Variants in NR3C1 observed in about 807,000 individuals in gnomAD.
NR3C1 encodes nuclear receptor subfamily 3 group C member 1, also known as glucocorticoid receptor.
In NR3C1, 14 loss-of-function variants were observed where a neutral mutation model predicts 74.0. The ratio of observed to expected loss-of-function variants is 0.19; its 90% CI spans 0.12 to 0.30. The LOEUF is 0.30. Ranked by LOEUF, NR3C1 falls within the 10% of genes least tolerant of loss-of-function variation. The pLI, the probability that NR3C1 is intolerant of heterozygous loss-of-function variation, is 1.00. For synonymous variants in NR3C1, 308 were observed against 332.5 expected, an observed-to-expected ratio of 0.93 and a Z score of 0.80; for missense variants, 695 against 909.8, an observed-to-expected ratio of 0.76 and a Z score of 3.04.
rs1813025824 is a variant in NR3C1 at position 143,281,144 on chromosome 5, A to G, written c.*745T>C. On this transcript the variant is annotated 3_prime_UTR_variant, in exon 9 of 9. Transcript: ENST00000394464. Reference sequence around the variant, plus strand: ...CTTTTTTTTTTTTTTTTTTGACAAGAATACTGGAGATTTGAGTCAATTTTT... The same window carrying G: ...CTTTTTTTTTTTTTTTTTTGACAAGGATACTGGAGATTTGAGTCAATTTTT... 6.9e-6 allele frequency: 1 copy of G among 144,504 alleles called. No homozygotes were observed. Among genetic ancestry groups the G allele is most frequent in the Non-Finnish European group, 1.5e-5 (1 of 65,844 alleles). 9.0% of individuals were successfully genotyped at this position (144,504 alleles called of 1,614,324 possible).
intron 7 of NR3C1, among the ~76,000 whole-genome samples, chr5:143,289,173 A>G (rs1369274243): frequency 1.3e-5 from 2 of 152,190 alleles, no homozygotes; most frequent in African/African-American, 4.8e-5. Flanking sequence ...CATATTACCA[A>G]ATTTCAAGAT....
intron 2 of NR3C1, among the ~76,000 whole-genome samples, chr5:143,345,561 T>G (rs1400045774): frequency 6.6e-6 from 1 of 152,212 alleles, no homozygotes; most frequent in African/African-American, 2.4e-5. Context: ...ATCATTCAAA[T>G]GCATGACAAT....
chr5:143,397,135 A>C (rs998071029), intron 2 of NR3C1, among the ~76,000 whole-genome samples: 1 of 151,840 alleles, frequency 6.6e-6, no homozygotes, highest in Non-Finnish European at 1.5e-5. Context: ...GGAAGGAAGG[A>C]ATTGCCTCTT....
rs1285237843 is a variant in NR3C1 at position 143,300,903 on chromosome 5, C to T, written c.1469-140G>A. ...TTATTTAGCAATTATGATAAAGTGA[C>T]ATGGAAAAGGAGAAAAAACTTTTTT... On this transcript the variant is annotated intron_variant, in intron 4 of 8. Coordinates refer to ENST00000394464, the MANE Select transcript of NR3C1 (RefSeq NM_000176.3). This position sits in a 1 kb window ranked among gnomAD's most constrained non-coding sequence, Gnocchi z 5.2. 3.0e-6 allele frequency: 3 copies of T among 995,876 alleles called. No homozygotes were observed. The highest frequency in any genetic ancestry group is 3.3e-5 in the African/African-American group (2 of 60,564). 61.7% of individuals were successfully genotyped at this position (995,876 alleles called of 1,614,324 possible). A position where few individuals can be genotyped will look rare whatever the true frequency, so the allele number is the denominator to read the frequency against.
chr5:143,296,770 AGTGG>A (rs1437297924), intron 6 of NR3C1, among the ~76,000 whole-genome samples: 2 of 152,084 alleles, frequency 1.3e-5, no homozygotes, highest in Non-Finnish European at 2.9e-5. Context: ...ATGGAAACAT[AGTGG>A]GCTAAGAAAA....
chr5:143,419,890 G>A (rs1332994690), intron 1 of NR3C1, among the ~76,000 whole-genome samples: 1 of 152,028 alleles, frequency 6.6e-6, no homozygotes, highest in African/African-American at 2.4e-5. Context: ...TGGGAGACTG[G>A]GGTTTATTTC....
intron 2 of NR3C1, among the ~76,000 whole-genome samples, chr5:143,316,049 T>C (rs950238464): frequency 1.3e-5 from 2 of 152,226 alleles, no homozygotes; most frequent in South Asian, 2.1e-4. Context: ...CCTGCTAGAT[T>C]TGGGCGAGTG....
intron 7 of NR3C1, among the ~76,000 whole-genome samples, chr5:143,283,667 C>T (rs1415729723): frequency 6.6e-6 from 1 of 152,084 alleles, no homozygotes; most frequent in Non-Finnish European, 1.5e-5. Flanking sequence ...TACATGGATT[C>T]TGGTTAGTGA....
At chr5:143,333,271 T>A in intron 2 of NR3C1, 1 of 954,574 alleles carries the variant, frequency 1.0e-6, no homozygotes, top group East Asian at 2.5e-5. Context: ...AAACTGCCCT[T>A]GGGCTGACTT....
At chr5:143,428,098 C>G (rs1751627891) in intron 1 of NR3C1, among the ~76,000 whole-genome samples, 2 of 152,124 alleles carry the variant, frequency 1.3e-5, no homozygotes, top group Admixed American at 1.3e-4. Flanking sequence ...TAGTGTAAGT[C>G]TTATAGGACT....
chr5:143,431,485 C>T (rs140765503), intron 1 of NR3C1, among the ~76,000 whole-genome samples: 362 of 149,862 alleles, frequency 2.4e-3, no homozygotes, highest in Middle Eastern at 0.017. Flanking sequence ...ATCACATACC[C>T]GGGCCTGTCA....
At chr5:143,293,551 A>G (rs987491149) in intron 7 of NR3C1, among the ~76,000 whole-genome samples, 1 of 152,202 alleles carries the variant, frequency 6.6e-6, no homozygotes, top group Non-Finnish European at 1.5e-5. Context: ...TAAACTTAAA[A>G]AAACCCCAAC....
chr5:143,293,283 A>G (rs1310453620), intron 7 of NR3C1, among the ~76,000 whole-genome samples: 2 of 152,240 alleles, frequency 1.3e-5, no homozygotes, highest in Non-Finnish European at 2.9e-5. Context: ...CAGGAATGGG[A>G]AACCAAATAT....
intron 1 of NR3C1, among the ~76,000 whole-genome samples, chr5:143,417,448 T>C (rs1479302194): frequency 6.6e-6 from 1 of 152,122 alleles, no homozygotes; most frequent in East Asian, 1.9e-4. Context: ...AGACTCTACC[T>C]CCTAGTAGAC....
At chr5:143,431,291 G>A (rs150966347) in intron 1 of NR3C1, among the ~76,000 whole-genome samples, 50 of 152,284 alleles carry the variant, frequency 3.3e-4, no homozygotes, top group African/African-American at 1.0e-3. Context: ...CCAATGCACT[G>A]CAAACCTATG....
chr5:143,378,191 C>T (rs1443516985), intron 2 of NR3C1, among the ~76,000 whole-genome samples: 1 of 152,022 alleles, frequency 6.6e-6, no homozygotes, highest in Non-Finnish European at 1.5e-5. Flanking sequence ...TTCAAGGCTG[C>T]AGTGATCCAA....
Position 143,400,513 on chromosome 5 carries a change from T to C in NR3C1, c.327A>G (p.Gln109=). The change falls in exon 2 of 9, where the codon CAA becomes CAG. Residue 109 remains glutamine (Q), a synonymous_variant. Transcript: ENST00000394464. Reference sequence around the variant, plus strand: ...CTGTTTCCCCCGAGGAAAGGCTGATTTGGCCCTGCTGTGGGAATCCCAGGT... The same window carrying C: ...CTGTTTCCCCCGAGGAAAGGCTGATCTGGCCCTGCTGTGGGAATCCCAGGT... The part of the protein sequence containing the change: ...GNDLGFPQQG[Q]ISLSSGETDL... 6.2e-7 allele frequency: 1 copy of C among 1,614,250 alleles called. No individual in the cohort carries two copies. Among genetic ancestry groups the C allele is most frequent in the Admixed American group, 1.7e-5 (1 of 60,032 alleles).
intron 2 of NR3C1, among the ~76,000 whole-genome samples, chr5:143,346,298 G>A (rs940998347): frequency 1.3e-5 from 2 of 152,234 alleles, no homozygotes; most frequent in Non-Finnish European, 2.9e-5. Context: ...CATGGTATCT[G>A]CCACTTAACA....
At chr5:143,306,990 G>C (rs1819763182) in intron 4 of NR3C1, among the ~76,000 whole-genome samples, 1 of 143,598 alleles carries the variant, frequency 7.0e-6, no homozygotes, top group Non-Finnish European at 1.5e-5. Flanking sequence ...TCCAACTCCT[G>C]GGCTGATGCC....
Sources: gnomAD v4.1 joint callset for allele counts (sites outside exome capture counted in the v4.1 genomes callset) on GRCh38, gnomAD v4.1.1 for gene constraint, Gnocchi (gnomAD v3.1) non-coding constraint, MANE v1.5 for transcripts, NCBI Gene and HGNC (gene_info 2026-07-23, HGNC 2026-07-21) for gene names.